MECOM: variants seen among roughly 807,000 people sequenced by gnomAD.
The protein encoded by MECOM is MDS1 and EVI1 complex locus, also known as histone-lysine N-methyltransferase MECOM.
A neutral mutation model predicts 116.3 loss-of-function variants in MECOM; 13 were observed. That is an observed-to-expected ratio of 0.11 (90% CI 0.07 to 0.18). MECOM has a LOEUF of 0.18. Ranked by LOEUF, MECOM falls within the 10% of genes least tolerant of loss-of-function variation. The probability of loss-of-function intolerance (pLI) is 1.00; values close to 1 mark genes in which losing one functional copy is unlikely to be tolerated. For synonymous variants in MECOM, 528 were observed against 535.2 expected, an observed-to-expected ratio of 0.99 and a Z score of 0.19; for missense variants, 1,299 against 1,509.0, an observed-to-expected ratio of 0.86 and a Z score of 2.31.
chr3:169,328,621 T>C (rs1374527575), intron 2 of MECOM, among the ~76,000 whole-genome samples: 1 of 152,188 alleles, frequency 6.6e-6, no homozygotes, highest in Non-Finnish European at 1.5e-5. Context: ...GGAACAAAAA[T>C]TATTGGATCA....
chr3:169,269,624 G>T (rs1030450586), intron 2 of MECOM, among the ~76,000 whole-genome samples: 3 of 152,128 alleles, frequency 2.0e-5, no homozygotes, highest in Non-Finnish European at 4.4e-5. Flanking sequence ...TTCTTAATTT[G>T]TTGGCCTCCT....
At chr3:169,268,680 T>C (rs1490203452) in intron 2 of MECOM, among the ~76,000 whole-genome samples, 1 of 152,192 alleles carries the variant, frequency 6.6e-6, no homozygotes, top group African/African-American at 2.4e-5. Flanking sequence ...AACAGATTTA[T>C]GAATAATCAA....
intron 2 of MECOM, among the ~76,000 whole-genome samples, chr3:169,231,559 A>C (rs1453450026): frequency 6.6e-6 from 1 of 152,120 alleles, no homozygotes; most frequent in Admixed American, 6.6e-5. Flanking sequence ...TAGTCAGAGA[A>C]AACAGCTGTA....
At chr3:169,569,068 C>T (rs1763581693) in intron 1 of MECOM, among the ~76,000 whole-genome samples, 1 of 151,948 alleles carries the variant, frequency 6.6e-6, no homozygotes, top group South Asian at 2.1e-4. Flanking sequence ...AGAGTCAAGA[C>T]CCATCGGTGT....
intron 14 of MECOM, 57 bp from the exon 15 acceptor site, chr3:169,090,293 T>C (rs763405984): frequency 1.1e-5 from 17 of 1,483,390 alleles, no homozygotes; most frequent in Middle Eastern, 3.6e-4. Context: ...AAAATTGTAA[T>C]TTGTTCCTTT....
intron 16 of MECOM, among the ~76,000 whole-genome samples, chr3:169,085,966 T>C (rs1359212396): frequency 1.3e-5 from 2 of 152,210 alleles, no homozygotes; most frequent in Admixed American, 1.3e-4. Flanking sequence ...AGTGGAATCA[T>C]TAAAGTCCTG....
At position 169,588,808 on chromosome 3, in the gene MECOM, G is replaced by A. The variant is rs190059386; in HGVS notation, c.37+74528C>T. 5.8e-3 allele frequency among the ~76,000 whole-genome samples: 881 copies of A among 152,108 alleles called. 9 individuals are homozygous for A. The highest frequency in any genetic ancestry group is 0.02 in the African/African-American group (821 of 41,506). The stretch of plus-strand genomic sequence containing the variant: ...CATAAAAGGACACATTGGCAAGCAA[G>A]GATTTAACTCAAAGAAGCTGTTCTT... On this transcript the variant is annotated intron_variant, in intron 1 of 16. Coordinates refer to ENST00000651503, the MANE Select transcript of MECOM (RefSeq NM_004991.4).
At chr3:169,171,267 A>G (rs935796161) in intron 2 of MECOM, among the ~76,000 whole-genome samples, 1 of 152,158 alleles carries the variant, frequency 6.6e-6, no homozygotes, top group Non-Finnish European at 1.5e-5. Context: ...ATGAGAATGA[A>G]TTGAATTGCT....
At chr3:169,482,247 CT>C (rs1293421456) in intron 1 of MECOM, among the ~76,000 whole-genome samples, 1 of 151,830 alleles carries the variant, frequency 6.6e-6, no homozygotes, top group Admixed American at 6.6e-5. Context: ...CTAAGACACA[CT>C]GGGGCGTGTA....
intron 2 of MECOM, among the ~76,000 whole-genome samples, chr3:169,281,746 A>T (rs1712064712): frequency 6.6e-6 from 1 of 152,186 alleles, no homozygotes; most frequent in Non-Finnish European, 1.5e-5. Flanking sequence ...CAGGAGGTTG[A>T]TGCTACAGTG....
chr3:169,515,707 T>G (rs1209657250), intron 1 of MECOM, among the ~76,000 whole-genome samples: 1 of 152,208 alleles, frequency 6.6e-6, no homozygotes, highest in Non-Finnish European at 1.5e-5. Flanking sequence ...TGAAGACACC[T>G]AAATATCACA....
chr3:169,186,205 C>G (rs1485894317), intron 2 of MECOM, among the ~76,000 whole-genome samples: 1 of 151,844 alleles, frequency 6.6e-6, no homozygotes, highest in Non-Finnish European at 1.5e-5. Context: ...TTTCCAATAC[C>G]TAGCTTAGAT....
intron 2 of MECOM, among the ~76,000 whole-genome samples, chr3:169,208,869 G>C (rs1053362151): frequency 5.4e-5 from 8 of 148,962 alleles, no homozygotes; most frequent in Non-Finnish European, 8.9e-5. Context: ...CCAAAAAAGA[G>C]CCTGTATAGC....
At chr3:169,533,605 G>A (rs572717519) in intron 1 of MECOM, among the ~76,000 whole-genome samples, 48 of 74,388 alleles carry the variant, frequency 6.5e-4, no homozygotes, top group African/African-American at 2.5e-3. Context: ...TCCTTATGTC[G>A]TTGGGGGCCT....
chr3:169,390,285 C>T (rs1458763783), intron 1 of MECOM, among the ~76,000 whole-genome samples: 2 of 152,196 alleles, frequency 1.3e-5, no homozygotes, highest in Non-Finnish European at 2.9e-5. Flanking sequence ...TGGAAAGACA[C>T]TCTGAGAATT....
chr3:169,089,392 C>G (rs547271283), intron 15 of MECOM, among the ~76,000 whole-genome samples: 1 of 152,058 alleles, frequency 6.6e-6, no homozygotes, highest in Admixed American at 6.6e-5. Flanking sequence ...GTAACTAAAG[C>G]CAAGCATATA....
intron 1 of MECOM, among the ~76,000 whole-genome samples, chr3:169,452,517 G>T (rs1745782005): frequency 6.6e-6 from 1 of 152,126 alleles, no homozygotes; most frequent in African/African-American, 2.4e-5. Flanking sequence ...TGTTGATTCA[G>T]TTCTAGGAAT....
intron 2 of MECOM, among the ~76,000 whole-genome samples, chr3:169,289,510 T>C (rs1014979753): frequency 9.8e-5 from 15 of 152,328 alleles, no homozygotes; most frequent in Non-Finnish European, 1.9e-4. Flanking sequence ...CTTTGCTTTG[T>C]GCATTTCATT....
intron 3 of MECOM, chr3:169,131,975 G>A (rs995351099): frequency 1.0e-5 from 10 of 993,588 alleles, no homozygotes; most frequent in Non-Finnish European, 1.1e-5. Context: ...CAAAAGTAGC[G>A]CCTTCTCAAC....
Sources: allele counts gnomAD v4.1 joint callset (sites outside exome capture counted in the v4.1 genomes callset), GRCh38; gene constraint gnomAD v4.1.1; transcripts MANE v1.5; gene names NCBI Gene and HGNC (gene_info 2026-07-23, HGNC 2026-07-21).